The following UQCC1 variants were observed in gnomAD, a reference collection of about 807,000 sequenced individuals.
UQCC1 encodes ubiquinol-cytochrome c reductase complex assembly factor 1.
UQCC1 carries 38 observed loss-of-function variants against 48.0 expected under a neutral mutation model. That is an observed-to-expected ratio of 0.79 (90% CI 0.61 to 1.04). UQCC1 has a LOEUF of 1.04. UQCC1 is among the 50% of genes least tolerant of loss of function. The pLI, the probability that UQCC1 is intolerant of heterozygous loss-of-function variation, is 0.00. For missense variants in UQCC1, 368 were observed against 381.8 expected, an observed-to-expected ratio of 0.96 and a Z score of 0.30; for synonymous variants, 111 against 129.2, an observed-to-expected ratio of 0.86 and a Z score of 0.95.
intron 6 of UQCC1, 79 bp downstream of exon 6, chr20:35,366,478 C>A: frequency 8.1e-7 from 1 of 1,229,020 alleles, no homozygotes; most frequent in South Asian, 1.4e-5. Context: ...TATAATCAGC[C>A]CTCCTGAAGG....
chr20:35,366,533 A>C, intron 6 of UQCC1, 24 bp downstream of exon 6: 1 of 1,609,284 alleles, frequency 6.2e-7, no homozygotes, highest in South Asian at 1.1e-5. Context: ...ACATTTGGTG[A>C]CTTCATTTAA....
chr20:35,348,304 G>A (rs529132906), intron 6 of UQCC1, among the ~76,000 whole-genome samples: 24 of 152,162 alleles, frequency 1.6e-4, no homozygotes, highest in Non-Finnish European at 2.5e-4. Flanking sequence ...TTATATATAG[G>A]AATATAAGCA....
At chr20:35,342,051 C>G (rs927628150) in intron 7 of UQCC1, among the ~76,000 whole-genome samples, 1 of 152,184 alleles carries the variant, frequency 6.6e-6, no homozygotes, top group Admixed American at 6.5e-5. Flanking sequence ...GTTCAGCCCA[C>G]AGTTCCTCCA....
At chr20:35,395,298 C>A (rs1329209928) in intron 1 of UQCC1, among the ~76,000 whole-genome samples, 1 of 152,060 alleles carries the variant, frequency 6.6e-6, no homozygotes, top group Admixed American at 6.6e-5. Flanking sequence ...CCAGCCTCTA[C>A]CCTCCAAGAG....
At chr20:35,347,353 A>C (rs759481688) in intron 6 of UQCC1, 81 bp from the exon 7 acceptor site, 57 of 1,557,546 alleles carry the variant, frequency 3.7e-5, no homozygotes, top group Non-Finnish European at 5.0e-5. Flanking sequence ...CTCCTCATCT[A>C]AGAGTGAGTT....
chr20:35,389,480 T>G (rs771611273), intron 2 of UQCC1, among the ~76,000 whole-genome samples: 1 of 151,986 alleles, frequency 6.6e-6, no homozygotes, highest in Non-Finnish European at 1.5e-5. Context: ...GGAGAATCAC[T>G]TGAACCCGGG....
chr20:35,350,039 C>G (rs1417589617), intron 6 of UQCC1, among the ~76,000 whole-genome samples: 1 of 152,014 alleles, frequency 6.6e-6, no homozygotes, highest in Non-Finnish European at 1.5e-5. Flanking sequence ...GAGTTAGAAT[C>G]AGAACCAATG....
At chr20:35,411,879 C>A in intron 1 of UQCC1, 61 bp downstream of exon 1, 10 of 1,609,038 alleles carry the variant, frequency 6.2e-6, no homozygotes, top group Non-Finnish European at 8.5e-6. Context: ...TCCCGCCCTG[C>A]CTTGTCGAAC....
intron 6 of UQCC1, among the ~76,000 whole-genome samples, chr20:35,352,846 C>A (rs958485908): frequency 2.0e-5 from 3 of 152,118 alleles, no homozygotes; most frequent in Admixed American, 6.6e-5. Context: ...CTGAGCCCGG[C>A]TAATTTTTTA....
At chr20:35,338,275 G>T (rs1439260811) in intron 7 of UQCC1, among the ~76,000 whole-genome samples, 1 of 152,118 alleles carries the variant, frequency 6.6e-6, no homozygotes, top group African/African-American at 2.4e-5. Context: ...GTGCACTGAA[G>T]AAATAAATGG....
At position 35,303,884 on chromosome 20, in the gene UQCC1, C is replaced by T. The variant is rs1431858864; in HGVS notation, c.*51G>A. ...GTCCTGGACCAACAGGCACTTCTCT[C>T]CTGGAGGTTCCTCGAAGCCAGCTGG... On this transcript the variant is annotated 3_prime_UTR_variant, in exon 10 of 10. Coordinates refer to ENST00000374385, the MANE Select transcript of UQCC1 (RefSeq NM_018244.5). 11 of 1,613,710 alleles carry T rather than the reference C, an allele frequency of 6.8e-6. No homozygotes were observed. The highest frequency in any genetic ancestry group is 9.3e-6 in the Non-Finnish European group (11 of 1,179,766).
At chr20:35,394,263 G>A in intron 1 of UQCC1, 67 bp from the exon 2 acceptor site, 1 of 1,334,526 alleles carries the variant, frequency 7.5e-7, no homozygotes, top group Non-Finnish European at 1.1e-6. Flanking sequence ...GGCAAAGAGT[G>A]TACCTGTGAT....
chr20:35,381,719 G>C (rs1033958978), intron 4 of UQCC1, among the ~76,000 whole-genome samples, 199 bp downstream of exon 4: 8 of 152,082 alleles, frequency 5.3e-5, no homozygotes, highest in Non-Finnish European at 7.4e-5. Flanking sequence ...AAGGAGGAAG[G>C]GGACACCCGC....
At chr20:35,395,501 TATAA>T (rs1300448053) in intron 1 of UQCC1, among the ~76,000 whole-genome samples, 1 of 150,928 alleles carries the variant, frequency 6.6e-6, no homozygotes, top group Admixed American at 6.6e-5. Flanking sequence ...AGGGGCTTAT[TATAA>T]ATAAATAAAA....
chr20:35,338,908 TGGAG>T lies in UQCC1; in HGVS notation c.573+8252_573+8255del, dbSNP rs1568666237. On this transcript the variant is annotated intron_variant, in intron 7 of 9. Transcript: ENST00000374385. ...AAAAAAAAAAATATATATATATATA[TGGAG>T]AGATTTTTCAAAATGCATATACCTG... Among the ~76,000 whole-genome samples the T allele has an allele frequency of 1.6e-3, 115 of 71,036 alleles. 18 individuals are homozygous for T. The highest frequency in any genetic ancestry group is 2.8e-3 in the South Asian group (5 of 1,804). The allele number at this position is 71,036 out of a possible 152,430, so 46.6% of individuals were successfully genotyped here.
intron 1 of UQCC1, among the ~76,000 whole-genome samples, chr20:35,409,067 G>A (rs6120939): frequency 2.6e-5 from 4 of 152,154 alleles, no homozygotes; most frequent in Non-Finnish European, 4.4e-5. Flanking sequence ...GTTATTAATA[G>A]GTTCAGAGTT....
At chr20:35,350,436 C>T (rs967666381) in intron 6 of UQCC1, among the ~76,000 whole-genome samples, 1 of 152,286 alleles carries the variant, frequency 6.6e-6, no homozygotes, top group African/African-American at 2.4e-5. Context: ...GTGGCTCACA[C>T]CTGTAATCCT....
intron 7 of UQCC1, among the ~76,000 whole-genome samples, chr20:35,342,865 T>G (rs1044468956): frequency 6.6e-6 from 1 of 152,238 alleles, no homozygotes; most frequent in African/African-American, 2.4e-5. Flanking sequence ...AACACCTGCT[T>G]TTTGTACCAG....
chr20:35,338,704 G>A (rs926659961), intron 7 of UQCC1, among the ~76,000 whole-genome samples: 2 of 150,152 alleles, frequency 1.3e-5, no homozygotes, highest in African/African-American at 2.5e-5. Context: ...AATCAGCCTG[G>A]CATGGTGGCA....
Sources: gnomAD v4.1 joint callset for allele counts (sites outside exome capture counted in the v4.1 genomes callset) on GRCh38, gnomAD v4.1.1 for gene constraint, MANE v1.5 for transcripts, NCBI Gene and HGNC (gene_info 2026-07-23, HGNC 2026-07-21) for gene names.